Variants in HS3ST4 observed in about 807,000 individuals in gnomAD.
HS3ST4 encodes heparan sulfate-glucosamine 3-sulfotransferase 4.
Under a neutral mutation model 29.2 loss-of-function variants are expected in HS3ST4, and 17 were observed. The ratio of observed to expected loss-of-function variants is 0.58; its 90% CI spans 0.40 to 0.87. The LOEUF is 0.87. Among genes scored for constraint, HS3ST4 ranks in the 40% least tolerant of loss-of-function variants. The pLI is 0.00. For synonymous variants in HS3ST4, 314 were observed against 285.7 expected (o/e 1.10, Z -1.00); for missense variants, 627 against 634.5 (o/e 0.99, Z 0.13).
chr16:25,734,012 G>A (rs1966589515), intron 1 of HS3ST4, among the ~76,000 whole-genome samples: 7 of 152,192 alleles, frequency 4.6e-5, no homozygotes. Context: ...AGCTACTTGG[G>A]AGGCTGAGGC....
chr16:25,802,459 A>G (rs1376007453), intron 1 of HS3ST4, among the ~76,000 whole-genome samples: 1 of 152,056 alleles, frequency 6.6e-6, no homozygotes, highest in Non-Finnish European at 1.5e-5. Context: ...TTCAGTATAC[A>G]GCGGCAAATA....
intron 1 of HS3ST4, among the ~76,000 whole-genome samples, chr16:25,743,567 A>G (rs947093881): frequency 1.3e-5 from 2 of 152,072 alleles, no homozygotes; most frequent in Non-Finnish European, 2.9e-5. Flanking sequence ...GTGCAGTGGT[A>G]CGATATCGGC....
chr16:26,056,044 G>C lies in HS3ST4; in HGVS notation c.735-79568G>C, dbSNP rs1437293156. The stretch of plus-strand genomic sequence containing the variant: ...TTTGCATGAGAAAGAGAGAGACAGA[G>C]AGAGAGAGAGAGAGAGAGAGAGAGA... On this transcript the variant is annotated intron_variant, in intron 1 of 1. Transcript: ENST00000331351. Among the ~76,000 whole-genome samples, 4 of 1,222 alleles carry C rather than the reference G, an allele frequency of 3.3e-3. No individual in the cohort carries two copies. The South Asian group carries it at 0.04, about 12-fold the overall frequency. 0.8% of individuals were successfully genotyped at this position (1,222 alleles called of 152,430 possible).
intron 1 of HS3ST4, among the ~76,000 whole-genome samples, chr16:26,070,842 T>A (rs1898594756): frequency 6.6e-6 from 1 of 152,170 alleles, no homozygotes; most frequent in Non-Finnish European, 1.5e-5. Context: ...GACCATTTTT[T>A]AAAAAAGGCA....
At chr16:25,975,583 TATCCAGATG>T (rs1968936606) in intron 1 of HS3ST4, among the ~76,000 whole-genome samples, 1 of 152,050 alleles carries the variant, frequency 6.6e-6, no homozygotes, top group East Asian at 1.9e-4. Context: ...AAAAGAAAAA[TATCCAGATG>T]ACGTCTTTCC....
intron 1 of HS3ST4, among the ~76,000 whole-genome samples, chr16:25,696,231 C>T (rs533501321): frequency 6.6e-6 from 1 of 152,288 alleles, no homozygotes; most frequent in Admixed American, 6.5e-5. Context: ...GCCCTCTTCC[C>T]TCTCCCTTTC....
intron 1 of HS3ST4, among the ~76,000 whole-genome samples, chr16:25,802,907 T>A (rs1966952337): frequency 6.8e-6 from 1 of 146,312 alleles, no homozygotes; most frequent in Non-Finnish European, 1.5e-5. Flanking sequence ...ATAAGGAAGG[T>A]AGTAGCTTTT....
At chr16:25,913,175 G>A (rs1968257227) in intron 1 of HS3ST4, among the ~76,000 whole-genome samples, 1 of 152,232 alleles carries the variant, frequency 6.6e-6, no homozygotes, top group Non-Finnish European at 1.5e-5. Context: ...CTGCTCTTCT[G>A]ATAAATTCCC....
intron 1 of HS3ST4, among the ~76,000 whole-genome samples, chr16:26,017,497 AAG>A (rs1363589229): frequency 6.6e-6 from 1 of 152,218 alleles, no homozygotes; most frequent in Non-Finnish European, 1.5e-5. Flanking sequence ...AATGAAAGAA[AAG>A]AGAGAGCTTC....
At chr16:25,780,621 A>G (rs1451141982) in intron 1 of HS3ST4, among the ~76,000 whole-genome samples, 2 of 152,216 alleles carry the variant, frequency 1.3e-5, no homozygotes, top group Non-Finnish European at 2.9e-5. Context: ...TAGGCAAATT[A>G]TCAGTTTTTC....
rs370015060 is a variant in HS3ST4 at position 25,746,611 on chromosome 16, G to A, written c.734+53460G>A. Among the ~76,000 whole-genome samples the A allele has an allele frequency of 5.9e-5, 9 of 151,846 alleles. No individual in the cohort carries two copies. The East Asian group carries it at 9.7e-4, about 16-fold the overall frequency. On this transcript the variant is annotated intron_variant, in intron 1 of 1. Transcript: ENST00000331351. ...TTGTCTCCCAGGCTGGAGTGCAATG[G>A]CATGTTCTTGGCTCACTGCAATCTC...
chr16:26,117,391 C>T (rs1899214930), intron 1 of HS3ST4, among the ~76,000 whole-genome samples: 1 of 152,210 alleles, frequency 6.6e-6, no homozygotes, highest in Admixed American at 6.5e-5. Flanking sequence ...TGTTCCTGGT[C>T]TTTGAGTTTA....
intron 1 of HS3ST4, among the ~76,000 whole-genome samples, chr16:25,965,527 A>G (rs1450324303): frequency 1.3e-5 from 2 of 152,184 alleles, no homozygotes; most frequent in Non-Finnish European, 2.9e-5. Context: ...GTTCCCAAGA[A>G]TTTATTGAGT....
chr16:25,878,435 A>G (rs576048209), intron 1 of HS3ST4, among the ~76,000 whole-genome samples: 1 of 152,324 alleles, frequency 6.6e-6, no homozygotes, highest in Admixed American at 6.5e-5. Flanking sequence ...ATCTATCAGA[A>G]TGGTACCCAA....
intron 1 of HS3ST4, among the ~76,000 whole-genome samples, chr16:26,029,989 C>T (rs1284124863): frequency 1.3e-5 from 2 of 152,182 alleles, no homozygotes; most frequent in Non-Finnish European, 2.9e-5. Context: ...ATTCTTAGTC[C>T]CCCCATCGTT....
At chr16:26,056,535 GC>G (rs749584074) in intron 1 of HS3ST4, among the ~76,000 whole-genome samples, 1 of 152,218 alleles carries the variant, frequency 6.6e-6, no homozygotes, top group Non-Finnish European at 1.5e-5. Context: ...TTGCAAGGCA[GC>G]AAAGCTGTGT....
chr16:25,982,831 A>G (rs1258198385), intron 1 of HS3ST4, among the ~76,000 whole-genome samples: 1 of 152,210 alleles, frequency 6.6e-6, no homozygotes, highest in Non-Finnish European at 1.5e-5. Flanking sequence ...TCCTGTTTCA[A>G]ACAACAGAAA....
intron 1 of HS3ST4, among the ~76,000 whole-genome samples, chr16:25,888,604 A>T (rs994720209): frequency 6.6e-6 from 1 of 152,206 alleles, no homozygotes; most frequent in Non-Finnish European, 1.5e-5. Context: ...CTCTGCTCTG[A>T]TCTGGCCAGC....
At chr16:25,924,217 T>G (rs1968381881) in intron 1 of HS3ST4, among the ~76,000 whole-genome samples, 1 of 152,204 alleles carries the variant, frequency 6.6e-6, no homozygotes, top group Non-Finnish European at 1.5e-5. Flanking sequence ...TTCTTTATTC[T>G]GTACGGCCAA....
Sources: gnomAD v4.1 joint callset for allele counts (sites outside exome capture counted in the v4.1 genomes callset) on GRCh38, gnomAD v4.1.1 for gene constraint, MANE v1.5 for transcripts, NCBI Gene and HGNC (gene_info 2026-07-23, HGNC 2026-07-21) for gene names.